Variants in SEM1 observed in about 807,000 individuals in gnomAD.
The protein encoded by SEM1 is SEM1 26S proteasome subunit.
Under a neutral mutation model 12.7 loss-of-function variants are expected in SEM1, and 3 were observed. That is an observed-to-expected ratio of 0.24 (90% CI 0.11 to 0.61). SEM1 has a LOEUF of 0.61. Ranked by LOEUF, SEM1 falls within the 20% of genes least tolerant of loss-of-function variation. The pLI is 0.88. For missense variants in SEM1, 59 were observed against 81.3 expected (o/e 0.73, Z 1.06); for synonymous variants, 30 against 27.8 (o/e 1.08, Z -0.25).
intron 2 of SEM1, among the ~76,000 whole-genome samples, chr7:96,659,680 C>G (rs1292470762): frequency 6.6e-6 from 1 of 152,002 alleles, no homozygotes; most frequent in African/African-American, 2.4e-5. Context: ...TATTAAGGGT[C>G]TGTGTATTTT....
chr7:96,680,245 C>T (rs773341522), intron 2 of SEM1, among the ~76,000 whole-genome samples: 5 of 151,996 alleles, frequency 3.3e-5, no homozygotes, highest in Non-Finnish European at 7.4e-5. Context: ...ACTCACTTCC[C>T]CACTCCCCTA....
chr7:96,577,848 A>G (rs558946993), intron 2 of SEM1, among the ~76,000 whole-genome samples: 2 of 152,172 alleles, frequency 1.3e-5, no homozygotes, highest in South Asian at 4.1e-4. Context: ...GCAAGAGTCA[A>G]TAGAATGAAA....
At chr7:96,587,581 G>T (rs1404052283) in intron 2 of SEM1, among the ~76,000 whole-genome samples, 2 of 151,944 alleles carry the variant, frequency 1.3e-5, no homozygotes, top group Non-Finnish European at 2.9e-5. Context: ...CCAGGTGACA[G>T]ATCTGTTCTC....
intron 2 of SEM1, among the ~76,000 whole-genome samples, chr7:96,661,512 C>T (rs1788999634): frequency 1.3e-5 from 2 of 152,160 alleles, no homozygotes; most frequent in South Asian, 2.1e-4. Flanking sequence ...ATTTGCCCTA[C>T]CAGATGTAAG....
Position 96,688,837 on chromosome 7 carries a change from AT to A in SEM1, c.*86del. 4 of 754,724 alleles carry A rather than the reference AT, an allele frequency of 5.3e-6. No homozygotes were observed. Among genetic ancestry groups the A allele is most frequent in the Non-Finnish European group, 9.1e-6 (4 of 439,006 alleles). The allele number at this position is 754,724 out of a possible 1,614,324, so 46.8% of individuals were successfully genotyped here. On this transcript the variant is annotated 3_prime_UTR_variant, in exon 3 of 3. Coordinates refer to ENST00000248566, the MANE Select transcript of SEM1 (RefSeq NM_006304.2). ...TCCAAGCAGATAATGAAATAAACAC[AT>A]TTTTTTAGTGTCCCATCCTGGGTTC...
intron 2 of SEM1, among the ~76,000 whole-genome samples, chr7:96,568,406 T>A (rs1389082571): frequency 6.6e-6 from 1 of 151,870 alleles, no homozygotes; most frequent in African/African-American, 2.4e-5. Flanking sequence ...ATTAACCTTT[T>A]AAAAAGCGCA....
intron 2 of SEM1, among the ~76,000 whole-genome samples, chr7:96,549,110 G>A (rs1244766743): frequency 6.6e-6 from 1 of 152,166 alleles, no homozygotes; most frequent in African/African-American, 2.4e-5. Flanking sequence ...CACTCCAGTT[G>A]AATCAAAATC....
At chr7:96,655,017 T>C (rs1005753868) in intron 2 of SEM1, among the ~76,000 whole-genome samples, 51 of 152,172 alleles carry the variant, frequency 3.4e-4, no homozygotes, top group Non-Finnish European at 6.0e-4. Flanking sequence ...CCAGAAATGA[T>C]TGATTGCTCT....
chr7:96,675,069 A>G (rs1216065046), intron 2 of SEM1, among the ~76,000 whole-genome samples: 1 of 152,116 alleles, frequency 6.6e-6, no homozygotes, highest in Non-Finnish European at 1.5e-5. Context: ...ATTCATGGAC[A>G]TGGCCATCAT....
intron 2 of SEM1, among the ~76,000 whole-genome samples, chr7:96,519,297 G>A (rs887218818): frequency 8.5e-5 from 13 of 152,178 alleles, no homozygotes; most frequent in Admixed American, 2.0e-4. Context: ...TCTGCCAGGC[G>A]TTGCTTTAGG....
At chr7:96,592,832 G>C (rs536797398) in intron 2 of SEM1, among the ~76,000 whole-genome samples, 25 of 151,894 alleles carry the variant, frequency 1.6e-4, no homozygotes, top group African/African-American at 5.6e-4. Flanking sequence ...TAATTTGGTC[G>C]AAGGGTTCAT....
At position 96,702,711 on chromosome 7, in the gene SEM1, G is replaced by C. The variant is rs552271666; in HGVS notation, c.76+6977C>G. Among the ~76,000 whole-genome samples, 20 of 152,284 alleles carry C rather than the reference G, an allele frequency of 1.3e-4. No homozygotes were observed. The East Asian group carries it at 3.3e-3, about 25-fold the overall frequency. ...CCCCCAAAACTGCCTATTAGGAAGG[G>C]AAAATTAGTAACCTAACAATGGAAA... On this transcript the variant is annotated intron_variant, in intron 1 of 2. Coordinates refer to ENST00000248566, the MANE Select transcript of SEM1 (RefSeq NM_006304.2).
At chr7:96,547,826 A>G (rs1350139215) in intron 2 of SEM1, among the ~76,000 whole-genome samples, 1 of 151,950 alleles carries the variant, frequency 6.6e-6, no homozygotes, top group Non-Finnish European at 1.5e-5. Flanking sequence ...ACTCACTGCT[A>G]CTCTACTGCT....
downstream of SEM1, among the ~76,000 whole-genome samples, chr7:96,685,339 G>A (rs1054205966): frequency 1.3e-5 from 2 of 151,982 alleles, no homozygotes; most frequent in South Asian, 4.1e-4. Flanking sequence ...AAATAATTAT[G>A]AAAAATTATA....
At chr7:96,625,567 T>A (rs1274954227) in intron 2 of SEM1, among the ~76,000 whole-genome samples, 1 of 152,154 alleles carries the variant, frequency 6.6e-6, no homozygotes, top group Non-Finnish European at 1.5e-5. Flanking sequence ...AAATAATAAG[T>A]CTCAAAGTTT....
intron 2 of SEM1, among the ~76,000 whole-genome samples, chr7:96,646,576 C>T (rs1379658214): frequency 1.3e-5 from 2 of 152,046 alleles, no homozygotes; most frequent in African/African-American, 4.8e-5. Flanking sequence ...AAACAGGGAC[C>T]AGATATGCTG....
At chr7:96,491,787 T>A (rs571804847) in intron 1 of SEM1, among the ~76,000 whole-genome samples, 1 of 152,298 alleles carries the variant, frequency 6.6e-6, no homozygotes, top group Admixed American at 6.5e-5. Flanking sequence ...TCTAATTCTG[T>A]CAGGGAAAAA....
intron 1 of SEM1, among the ~76,000 whole-genome samples, chr7:96,492,583 G>GTT (rs1459140584): frequency 1.3e-5 from 1 of 74,908 alleles, no homozygotes; most frequent in Non-Finnish European, 2.7e-5. Context: ...CTAATTTTTT[G>GTT]TATTTTTTTT....
At chr7:96,483,588 C>T in exon 4 of SEM1, 4 of 434,166 alleles carry the variant, frequency 9.2e-6, no homozygotes, top group Non-Finnish European at 1.7e-5. Flanking sequence ...CTGGAACCAG[C>T]CTGTTGGAGA....
Sources: gnomAD v4.1 joint callset for allele counts (sites outside exome capture counted in the v4.1 genomes callset) on GRCh38, gnomAD v4.1.1 for gene constraint, MANE v1.5 for transcripts, NCBI Gene and HGNC (gene_info 2026-07-23, HGNC 2026-07-21) for gene names.